Variants in OR5M3 observed in about 807,000 individuals in gnomAD.
OR5M3 encodes the protein olfactory receptor family 5 subfamily M member 3.
For synonymous variants in OR5M3, 129 were observed against 131.3 expected (o/e 0.98, Z 0.12); for missense variants, 384 against 378.6 (o/e 1.01, Z -0.12).
rs780048280 is a variant in OR5M3, at chr11:56,470,232, GT to G, written c.265del (p.Thr89GlnfsTer8). On this transcript the variant is annotated frameshift_variant, in exon 2 of 2. Coordinates refer to ENST00000641993, the MANE Select transcript of OR5M3 (RefSeq NM_001004742.3). LOFTEE classifies it low-confidence loss of function (END_TRUNC). ...TACTAAACAACCAGCATAAGTAATT[GT>G]TTTTTTATCTGATAACAGGTTTTCC... ...MLENLLSDKK[T>X]ITYAGCLVQC... is the part of the protein sequence containing the mutation. The G allele has an allele frequency of 1.9e-6, 3 of 1,612,610 alleles. No individual in the cohort carries two copies. The highest frequency in any genetic ancestry group is 2.5e-6 in the Non-Finnish European group (3 of 1,178,888).
intron 1 of OR5M3, among the ~76,000 whole-genome samples, chr11:56,471,363 G>A (rs932024682): frequency 6.6e-6 from 1 of 151,884 alleles, no homozygotes; most frequent in African/African-American, 2.4e-5. Flanking sequence ...TTCTAGGAAG[G>A]TTTCTTGTAT....
At chr11:56,471,172 A>G (rs1437834437) in intron 1 of OR5M3, among the ~76,000 whole-genome samples, 1 of 152,064 alleles carries the variant, frequency 6.6e-6, no homozygotes, top group Admixed American at 6.6e-5. Context: ...AATCCACTAG[A>G]TATCATATAC....
chr11:56,472,111 T>C (rs1446067893), intron 1 of OR5M3, among the ~76,000 whole-genome samples: 2 of 152,026 alleles, frequency 1.3e-5, no homozygotes, highest in South Asian at 2.1e-4. Flanking sequence ...GGAAAGAACA[T>C]TTTTCTATGA....
chr11:56,471,880 G>C (rs1853670820), intron 1 of OR5M3, among the ~76,000 whole-genome samples: 1 of 151,872 alleles, frequency 6.6e-6, no homozygotes, highest in East Asian at 1.9e-4. Context: ...CCTTCTAATG[G>C]CTATATGTTA....
intron 1 of OR5M3, 137 bp from the exon 2 acceptor site, chr11:56,470,678 T>G (rs1853658989): frequency 2.1e-6 from 1 of 465,484 alleles, no homozygotes; most frequent in Admixed American, 3.8e-5. Flanking sequence ...TGTAACAGGC[T>G]CTGTGATGAA....
rs1853684215 is a variant in OR5M3, at chr11:56,473,260, T to C, written c.-84A>G. ...AAATATTCCCAATGTGGTTGCAGAG[T>C]TGAAAAGCGCATGCTATATATGGGA... On this transcript the variant is annotated 5_prime_UTR_variant, in exon 1 of 2. Coordinates refer to ENST00000641993, the MANE Select transcript of OR5M3 (RefSeq NM_001004742.3). 6.6e-6 allele frequency: 1 copy of C among 151,980 alleles called. No individual in the cohort carries two copies. Among genetic ancestry groups the C allele is most frequent in the African/African-American group, 2.4e-5 (1 of 41,390 alleles). 9.4% of individuals were successfully genotyped at this position (151,980 alleles called of 1,614,324 possible). A position where few individuals can be genotyped will look rare whatever the true frequency, so the allele number is the denominator to read the frequency against.
rs1853643882 is a variant in OR5M3, at chr11:56,469,762, C to T, written c.736G>A (p.Val246Ile). 1.2e-6 allele frequency: 2 copies of T among 1,612,968 alleles called. No homozygotes were observed. The highest frequency in any genetic ancestry group is 1.3e-5 in the African/African-American group (1 of 74,868). ...ATCAGAGTACCATAGAATATAATGA[C>T]AGCTGTCAGATGGGACCCACATGTG... ...FSTCGSHLTA[V>I]IIFYGTLIFM... Residue 246 changes from valine (V) to isoleucine (I), a missense_variant, in exon 2 of 2, where the codon GTC becomes ATC. Val to Ile is a conservative substitution (Grantham distance 29). Coordinates refer to ENST00000641993, the MANE Select transcript of OR5M3 (RefSeq NM_001004742.3).
At chr11:56,471,434 G>T (rs960296990) in intron 1 of OR5M3, among the ~76,000 whole-genome samples, 1 of 151,768 alleles carries the variant, frequency 6.6e-6, no homozygotes, top group African/African-American at 2.4e-5. Context: ...TCTAGAAAAT[G>T]CTTCTCAAAT....
chr11:56,470,205 T>G lies in OR5M3; in HGVS notation c.293A>C (p.Gln98Pro). The stretch of plus-strand genomic sequence containing the variant: ...GACAAGAGCAATGAAGAAGAAACAC[T>G]GTACTAAACAACCAGCATAAGTAAT... ...KTITYAGCLVQCFFFIALVHV... is the reference protein window; with the variant it reads ...KTITYAGCLVPCFFFIALVHV... Residue 98 changes from glutamine (Q) to proline (P), a missense_variant, in exon 2 of 2, where the codon CAG becomes CCG. Transcript: ENST00000641993. The G allele has an allele frequency of 6.2e-7, 1 of 1,613,824 alleles. No homozygotes were observed. The highest frequency in any genetic ancestry group is 8.5e-7 in the Non-Finnish European group (1 of 1,179,750).
rs571938065 is a variant in OR5M3 at position 56,470,116 on chromosome 11, G to C, written c.382C>G (p.Leu128Val). 3 of 1,583,246 alleles carry C rather than the reference G, an allele frequency of 1.9e-6. No individual in the cohort carries two copies. The highest frequency in any genetic ancestry group is 2.6e-6 in the Non-Finnish European group (3 of 1,156,874). ...CTTGACATTTTACTGCCATAAAGCA[G>C]AGGATTCCCAATTGCCATGTATCTA... ...FDRYMAIGNP[L>V]LYGSKMSRVV... The change falls in exon 2 of 2, where the codon CTG becomes GTG. Residue 128 changes from leucine (L) to valine (V), a missense_variant. Leu to Val is a conservative substitution (Grantham distance 32, BLOSUM62 1). Transcript: ENST00000641993.
At position 56,469,779 on chromosome 11, in the gene OR5M3, C is replaced by A. The variant is rs772484083; in HGVS notation, c.719G>T (p.Gly240Val). The A allele has an allele frequency of 1.8e-5, 29 of 1,612,628 alleles. No homozygotes were observed. The highest frequency in any genetic ancestry group is 2.3e-5 in the Non-Finnish European group (27 of 1,179,062). The change falls in exon 2 of 2, where the codon GGG becomes GTG. Residue 240 changes from glycine (G) to valine (V), a missense_variant. Physicochemically the swap from Gly to Val is moderately radical, Grantham distance 109. Coordinates refer to ENST00000641993, the MANE Select transcript of OR5M3 (RefSeq NM_001004742.3). ...TATAATGACAGCTGTCAGATGGGACCCACATGTGGAAAAGGCCTTCTGCCT... is the reference window on the plus strand; with the variant it reads ...TATAATGACAGCTGTCAGATGGGACACACATGTGGAAAAGGCCTTCTGCCT... ...EGRQKAFSTC[G>V]SHLTAVIIFY...
chr11:56,469,904 G>A lies in OR5M3; in HGVS notation c.594C>T (p.Ile198=), dbSNP rs758685375. Residue 198 remains isoleucine (I), a synonymous_variant, in exon 2 of 2, where the codon ATC becomes ATT. Coordinates refer to ENST00000641993, the MANE Select transcript of OR5M3 (RefSeq NM_001004742.3). ...AGTFVKEYTM[I]ILAGINFTYS... ...ATGTGAAGTTAATGCCGGCAAGTATGATCATTGTATATTCTTTTACAAAGG... is the reference window on the plus strand; with the variant it reads ...ATGTGAAGTTAATGCCGGCAAGTATAATCATTGTATATTCTTTTACAAAGG... 3.0e-5 allele frequency: 49 copies of A among 1,612,760 alleles called. No homozygotes were observed. Among genetic ancestry groups the A allele is most frequent in the Non-Finnish European group, 3.9e-5 (46 of 1,178,902 alleles).
intron 1 of OR5M3, among the ~76,000 whole-genome samples, chr11:56,472,190 T>C (rs1289707745): frequency 6.6e-6 from 1 of 152,036 alleles, no homozygotes; most frequent in Non-Finnish European, 1.5e-5. Context: ...GTCTAATTAA[T>C]AAAAATTTGA....
intron 1 of OR5M3, among the ~76,000 whole-genome samples, chr11:56,472,829 G>T (rs621826): frequency 6.6e-6 from 1 of 151,604 alleles, no homozygotes; most frequent in African/African-American, 2.4e-5. Flanking sequence ...AAAGTGTTCT[G>T]TTTCTATCAT....
In OR5M3 at chr11:56,470,342, C is replaced by T. The variant is rs759042404; in HGVS notation, c.156G>A (p.Gln52=). ...GGAAAAAGTACATGGGGTTGTTAAG[C>T]TGAGGACTGACCTTGATTAACACCA... ...GMMVLIKVSP[Q]LNNPMYFFLS... Residue 52 remains glutamine (Q), a synonymous_variant, in exon 2 of 2, where the codon CAG becomes CAA. Transcript: ENST00000641993. 16 of 1,613,790 alleles carry T rather than the reference C, an allele frequency of 9.9e-6. No individual in the cohort carries two copies. The highest frequency in any genetic ancestry group is 1.3e-5 in the Non-Finnish European group (15 of 1,179,866).
chr11:56,470,064 A>G lies in OR5M3; in HGVS notation c.434T>C (p.Phe145Ser). ...CGTCAGAAAACCATAAATGTAAGGGAAAGTAATCAGTCGAATACAGACAAC... is the reference window on the plus strand; with the variant it reads ...CGTCAGAAAACCATAAATGTAAGGGGAAGTAATCAGTCGAATACAGACAAC... ...SRVVCIRLIT[F>S]PYIYGFLTSL... Residue 145 changes from phenylalanine to serine, a missense_variant, in exon 2 of 2, where the codon TTC becomes TCC. Physicochemically the swap from Phe to Ser is radical, Grantham distance 155 (BLOSUM62 -2). Coordinates refer to ENST00000641993, the MANE Select transcript of OR5M3 (RefSeq NM_001004742.3). 1 of 1,610,056 alleles carries G rather than the reference A, an allele frequency of 6.2e-7. No individual in the cohort carries two copies. The highest frequency in any genetic ancestry group is 8.5e-7 in the Non-Finnish European group (1 of 1,176,402).
At chr11:56,471,829 T>TC (rs1385293306) in intron 1 of OR5M3, among the ~76,000 whole-genome samples, 2 of 152,060 alleles carry the variant, frequency 1.3e-5, no homozygotes, top group African/African-American at 4.8e-5. Flanking sequence ...AGATAGCCTT[T>TC]CAGCAGGAAA....
At position 56,470,261 on chromosome 11, in the gene OR5M3, C is replaced by A. The variant is rs769048277; in HGVS notation, c.237G>T (p.Met79Ile). Residue 79 changes from methionine to isoleucine, a missense_variant, in exon 2 of 2, where the codon ATG (methionine) becomes ATT (isoleucine). Physicochemically the swap from Met to Ile is conservative, Grantham distance 10. Coordinates refer to ENST00000641993, the MANE Select transcript of OR5M3 (RefSeq NM_001004742.3). The part of the protein sequence containing the change: ...VWFSSNVTPK[M>I]LENLLSDKKT... ...TTTTATCTGATAACAGGTTTTCCAA[C>A]ATTTTAGGGGTGACATTGGAAGAAA... is the stretch of plus-strand genomic sequence containing the variant. 1.9e-5 allele frequency: 31 copies of A among 1,613,156 alleles called. No individual in the cohort carries two copies. In the Admixed American group the frequency reaches 3.8e-4, roughly 20 times the overall value.
chr11:56,470,390 G>A lies in OR5M3; in HGVS notation c.108C>T (p.Thr36=), dbSNP rs571107593. ...CCATCATGCCGATATTGCCCACCAT[G>A]GTGATGATGTAGACCACAAGAAAGA... ...FIIFLVVYII[T]MVGNIGMMVL... is the part of the protein sequence containing the mutation. Residue 36 remains threonine (T), a synonymous_variant, in exon 2 of 2, where the codon ACC becomes ACT. Coordinates refer to ENST00000641993, the MANE Select transcript of OR5M3 (RefSeq NM_001004742.3). The A allele has an allele frequency of 6.2e-7, 1 of 1,613,436 alleles. No homozygotes were observed. The highest frequency in any genetic ancestry group is 1.1e-5 in the South Asian group (1 of 91,066).
Sources: allele counts gnomAD v4.1 joint callset (sites outside exome capture counted in the v4.1 genomes callset), GRCh38; gene constraint gnomAD v4.1.1; transcripts MANE v1.5; gene names NCBI Gene and HGNC (gene_info 2026-07-23, HGNC 2026-07-21).